Variants in KRABD3 observed in about 807,000 individuals in gnomAD.
KRABD3 encodes the protein KRAB domain-containing protein 3.
At chr7:149,724,184 A>G in the KRABD3 span, among the ~76,000 whole-genome samples, 1 of 152,190 alleles carries the variant, frequency 6.6e-6, no homozygotes, top group South Asian at 2.1e-4. Flanking sequence ...AGCCCAGCAC[A>G]CACGCAGCTC....
the KRABD3 span, among the ~76,000 whole-genome samples, chr7:149,726,317 C>T: frequency 2.6e-5 from 4 of 152,282 alleles, no homozygotes; most frequent in Non-Finnish European, 2.9e-5. Context: ...TCTTTTTGGG[C>T]TGGGCACAGT....
the KRABD3 span, chr7:149,725,505 G>T: frequency 6.3e-7 from 1 of 1,586,872 alleles, no homozygotes; most frequent in Non-Finnish European, 8.6e-7. Flanking sequence ...TGTGGCCATG[G>T]GCGCGGGGTG....
the KRABD3 span, chr7:149,725,592 C>A: frequency 2.5e-6 from 3 of 1,208,068 alleles, no homozygotes; most frequent in Non-Finnish European, 3.4e-6. Flanking sequence ...TCCTGAGACA[C>A]AGGCCCGTTC....
the KRABD3 span, chr7:149,730,017 G>A: frequency 7.5e-7 from 1 of 1,336,942 alleles, no homozygotes; most frequent in Non-Finnish European, 9.6e-7. Flanking sequence ...CAGCCATTTA[G>A]GGTCCACTAG....
chr7:149,733,906 C>G, the KRABD3 span: 2 of 1,591,290 alleles, frequency 1.3e-6, no homozygotes, highest in Admixed American at 1.8e-5. Flanking sequence ...CAGATGCAGA[C>G]GTGCCGACCT....
the KRABD3 span, among the ~76,000 whole-genome samples, chr7:149,717,561 C>T: frequency 6.6e-6 from 1 of 152,246 alleles, no homozygotes; most frequent in East Asian, 1.9e-4. Context: ...GGGCCAGAGC[C>T]ACAGAGGTTT....
the KRABD3 span, chr7:149,719,794 A>G: frequency 1.6e-6 from 2 of 1,282,650 alleles, no homozygotes; most frequent in Non-Finnish European, 2.1e-6. The surrounding 1 kb of genome is among the most constrained non-coding windows in gnomAD (Gnocchi z 5.6). Flanking sequence ...GGGATCGTTC[A>G]CGCTGCTGCT....
the KRABD3 span, chr7:149,731,839 A>G: frequency 8.1e-7 from 1 of 1,239,172 alleles, no homozygotes; most frequent in Non-Finnish European, 1.2e-6. Context: ...CAGCTTGGGG[A>G]AAACAGCCTT....
the KRABD3 span, chr7:149,722,877 C>G: frequency 6.2e-7 from 1 of 1,613,702 alleles, no homozygotes; most frequent in Non-Finnish European, 8.5e-7. Context: ...CATCCCCAAG[C>G]TTCTTGCCAC....
At chr7:149,729,361 C>T in the KRABD3 span, 1 of 1,502,360 alleles carries the variant, frequency 6.7e-7, no homozygotes, top group Non-Finnish European at 8.9e-7. Flanking sequence ...GTGGAGGTGG[C>T]TCCCAGAGGG....
chr7:149,721,004 T>C, the KRABD3 span: 4 of 1,612,550 alleles, frequency 2.5e-6, no homozygotes, highest in Non-Finnish European at 3.4e-6. Context: ...AGTCAGACAG[T>C]GGGGCAGTGC....
At chr7:149,728,746 G>C in the KRABD3 span, 1 of 1,520,940 alleles carries the variant, frequency 6.6e-7, no homozygotes, top group Non-Finnish European at 8.9e-7. Flanking sequence ...CTGCACCTGT[G>C]GGCTCAGATC....
At chr7:149,723,443 C>T in the KRABD3 span, 1 of 424,680 alleles carries the variant, frequency 2.4e-6, no homozygotes, top group Non-Finnish European at 4.2e-6. Flanking sequence ...AAGTTCTGTT[C>T]AGGACCCCAG....
At chr7:149,733,072 C>G in the KRABD3 span, 1 of 1,075,824 alleles carries the variant, frequency 9.3e-7, no homozygotes. Context: ...TCAGGCCTCA[C>G]CCACCTTCCT....
At chr7:149,728,344 G>T in the KRABD3 span, among the ~76,000 whole-genome samples, 4 of 152,236 alleles carry the variant, frequency 2.6e-5, no homozygotes, top group Non-Finnish European at 5.9e-5. Context: ...GACAGGCCAG[G>T]CTTCTTCCAC....
At chr7:149,729,294 C>G in the KRABD3 span, 1 of 1,601,302 alleles carries the variant, frequency 6.2e-7, no homozygotes, top group Non-Finnish European at 8.5e-7. Context: ...CCTCCAGCTG[C>G]GTCCCCGCCT....
At chr7:149,729,818 G>A in the KRABD3 span, 1 of 985,424 alleles carries the variant, frequency 1.0e-6, no homozygotes, top group Non-Finnish European at 1.2e-6. Context: ...ATACTGGGGT[G>A]CAGGGATGGC....
the KRABD3 span, chr7:149,730,508 G>A: frequency 2.1e-4 from 337 of 1,611,122 alleles, no homozygotes; most frequent in Admixed American, 1.9e-3. Flanking sequence ...CAGCAGTGGC[G>A]GCAGCCCTGG....
the KRABD3 span, chr7:149,719,482 A>G: frequency 1.3e-6 from 2 of 1,492,366 alleles, no homozygotes; most frequent in Non-Finnish European, 1.8e-6. The surrounding 1 kb of genome is among the most constrained non-coding windows in gnomAD (Gnocchi z 5.6). Flanking sequence ...TACCAAGTGC[A>G]GGGACAGCTA....
Sources: gnomAD v4.1 joint callset for allele counts (sites outside exome capture counted in the v4.1 genomes callset) on GRCh38, gnomAD v4.1.1 for gene constraint, Gnocchi (gnomAD v3.1) non-coding constraint, MANE v1.5 for transcripts, NCBI Gene and HGNC (gene_info 2026-07-23, HGNC 2026-07-21) for gene names.